Variants in GPR176 observed in about 807,000 individuals in gnomAD.
The protein encoded by GPR176 is G-protein coupled receptor 176.
Under a neutral mutation model 35.4 loss-of-function variants are expected in GPR176, and 26 were observed. The ratio of observed to expected loss-of-function variants is 0.74; its 90% CI spans 0.54 to 1.02. The LOEUF (loss-of-function observed/expected upper bound fraction) is 1.02, where lower values mean the gene tolerates loss of function less well. Among genes scored for constraint, GPR176 ranks in the 50% least tolerant of loss-of-function variants. The pLI, the probability that GPR176 is intolerant of heterozygous loss-of-function variation, is 0.00. For synonymous variants in GPR176, 278 were observed against 271.3 expected (o/e 1.02, Z -0.24); for missense variants, 597 against 665.3 (o/e 0.90, Z 1.13).
intron 1 of GPR176, chr15:39,815,553 C>CA: frequency 6.6e-6 from 1 of 152,204 alleles, no homozygotes. Context: ...GGGCAGGAAC[C>CA]ACTGTGAGGC....
At chr15:39,915,863 G>C (rs575173255) in intron 1 of GPR176, among the ~76,000 whole-genome samples, 1 of 152,336 alleles carries the variant, frequency 6.6e-6, no homozygotes, top group East Asian at 1.9e-4. Context: ...CTGAGCGACA[G>C]AGTGAGACGC....
chr15:39,854,643 C>A (rs1444660714), intron 1 of GPR176, among the ~76,000 whole-genome samples: 1 of 152,152 alleles, frequency 6.6e-6, no homozygotes. Context: ...TCTCTGAAAT[C>A]TTGGTAGGGA....
chr15:39,898,932 G>C (rs1327105943), intron 1 of GPR176, among the ~76,000 whole-genome samples: 4 of 152,118 alleles, frequency 2.6e-5, no homozygotes, highest in African/African-American at 9.7e-5. Flanking sequence ...GGACGATAAG[G>C]ACACTGGTGA....
intron 1 of GPR176, among the ~76,000 whole-genome samples, chr15:39,856,552 A>C (rs1409832959): frequency 6.6e-6 from 1 of 152,238 alleles, no homozygotes; most frequent in Non-Finnish European, 1.5e-5. Flanking sequence ...CTGTTCACCC[A>C]CATGGCTGTT....
rs1345315814 is a variant in GPR176 at position 39,801,251 on chromosome 15, G to A, written c.1429C>T (p.Pro477Ser). The change falls in exon 3 of 3, where the codon CCC becomes TCC. Residue 477 changes from proline to serine, a missense_variant. By Grantham distance (74) the Pro-to-Ser change is moderately conservative. Coordinates refer to ENST00000561100, the MANE Select transcript of GPR176 (RefSeq NM_007223.3). Reference protein sequence around the residue: ...ETRNSKKRLLPPLGNTPEELI... With the variant: ...ETRNSKKRLLSPLGNTPEELI... The stretch of plus-strand genomic sequence containing the variant: ...TCTTCTGGGGTGTTGCCCAAGGGGG[G>A]AAGCAGCCGCTTCTTGCTGTTTCGG... The A allele has an allele frequency of 1.9e-6, 3 of 1,614,052 alleles. No individual in the cohort carries two copies. The highest frequency in any genetic ancestry group is 1.3e-5 in the African/African-American group (1 of 74,928).
rs1360120437 is a variant in GPR176 at position 39,869,593 on chromosome 15, CTCATCT to C, written c.172+50256_172+50261del. Among the ~76,000 whole-genome samples, 5 of 152,258 alleles carry C rather than the reference CTCATCT, an allele frequency of 3.3e-5. No individual in the cohort carries two copies. In the East Asian group the frequency reaches 9.6e-4, roughly 29 times the overall value. ...CCTTATTTTTTTCTTCTCTCTTCTC[CTCATCT>C]TCATTTCCTCACATTTTGTTCCCTT... On this transcript the variant is annotated intron_variant, in intron 1 of 2. Coordinates refer to ENST00000561100, the MANE Select transcript of GPR176 (RefSeq NM_007223.3).
At chr15:39,823,994 G>A (rs1432428636) in intron 1 of GPR176, among the ~76,000 whole-genome samples, 1 of 152,148 alleles carries the variant, frequency 6.6e-6, no homozygotes, top group Non-Finnish European at 1.5e-5. Flanking sequence ...TTAGAAGTGG[G>A]GCCTAGTAGG....
chr15:39,856,066 G>A (rs1454781088), intron 1 of GPR176, among the ~76,000 whole-genome samples: 1 of 152,170 alleles, frequency 6.6e-6, no homozygotes, highest in Non-Finnish European at 1.5e-5. Context: ...TTCAAACCCA[G>A]GCAATTGATT....
At chr15:39,898,718 G>A (rs570100175) in intron 1 of GPR176, among the ~76,000 whole-genome samples, 2 of 152,228 alleles carry the variant, frequency 1.3e-5, no homozygotes, top group African/African-American at 4.8e-5. Flanking sequence ...GCCAGGGCAG[G>A]GTTTCAAAGA....
chr15:39,889,697 G>T lies in GPR176; in HGVS notation c.172+30158C>A, dbSNP rs144667893. The stretch of plus-strand genomic sequence containing the variant: ...GCTAGGGTCCCAAGGAGGTGAAATT[G>T]CAAGTTTGTGAATACCTTCACTGGG... On this transcript the variant is annotated intron_variant, in intron 1 of 2. Transcript: ENST00000561100. Among the ~76,000 whole-genome samples, 384 of 152,324 alleles carry T rather than the reference G, an allele frequency of 2.5e-3. 3 individuals carry two copies. The highest frequency in any genetic ancestry group is 8.9e-3 in the African/African-American group (369 of 41,562).
In GPR176 at chr15:39,800,328, T is replaced by C. The variant is rs1186607686; in HGVS notation, c.*804A>G. 6.6e-6 allele frequency: 1 copy of C among 152,138 alleles called. No homozygotes were observed. Among genetic ancestry groups the C allele is most frequent in the East Asian group, 1.9e-4 (1 of 5,196 alleles). 9.4% of individuals were successfully genotyped at this position (152,138 alleles called of 1,614,324 possible). On this transcript the variant is annotated 3_prime_UTR_variant, in exon 3 of 3. Transcript: ENST00000561100. ...CTCAGGCATCTCCCCCGTAAGCTTC[T>C]CTCTCATTTGTTGAGAAAACACAAT...
intron 1 of GPR176, among the ~76,000 whole-genome samples, chr15:39,868,884 T>A (rs950660083): frequency 1.3e-5 from 2 of 151,994 alleles, no homozygotes; most frequent in Non-Finnish European, 2.9e-5. Context: ...ACCTGTCCGA[T>A]GAGGTAACAG....
chr15:39,820,523 G>C (rs1900202203), intron 1 of GPR176, among the ~76,000 whole-genome samples: 1 of 152,174 alleles, frequency 6.6e-6, no homozygotes, highest in Non-Finnish European at 1.5e-5. Context: ...GAAGGAACTT[G>C]ATAACTAAGA....
intron 2 of GPR176, among the ~76,000 whole-genome samples, chr15:39,804,508 CT>C (rs1203128296): frequency 6.6e-6 from 1 of 151,954 alleles, no homozygotes; most frequent in East Asian, 1.9e-4. Flanking sequence ...TTTCGTATTT[CT>C]TTGTTTAAGA....
intron 1 of GPR176, among the ~76,000 whole-genome samples, chr15:39,876,518 T>A (rs867024476): frequency 5.9e-5 from 9 of 152,216 alleles, no homozygotes; most frequent in Admixed American, 6.5e-5. Context: ...GTGAGGGATA[T>A]AATGTTAATG....
intron 2 of GPR176, among the ~76,000 whole-genome samples, chr15:39,805,606 GT>G (rs1899141378): frequency 6.6e-6 from 1 of 152,144 alleles, no homozygotes; most frequent in Non-Finnish European, 1.5e-5. Context: ...TTGCAACCTG[GT>G]TATTGCTTGA....
At chr15:39,826,645 T>G (rs1243549778) in intron 1 of GPR176, among the ~76,000 whole-genome samples, 2 of 152,236 alleles carry the variant, frequency 1.3e-5, no homozygotes, top group Admixed American at 1.3e-4. Context: ...AAATGCCATT[T>G]GCTTGAAACC....
chr15:39,835,487 A>C (rs1373162119), intron 1 of GPR176, among the ~76,000 whole-genome samples: 1 of 151,820 alleles, frequency 6.6e-6, no homozygotes, highest in African/African-American at 2.4e-5. Flanking sequence ...AATCCAAGAG[A>C]TAGTCCAGGA....
intron 1 of GPR176, among the ~76,000 whole-genome samples, chr15:39,842,580 T>C (rs756478995): frequency 1.3e-5 from 2 of 152,038 alleles, no homozygotes; most frequent in East Asian, 1.9e-4. Context: ...AGTACTCTTA[T>C]AAAAAGAAGC....
Sources: gnomAD v4.1 joint callset for allele counts (sites outside exome capture counted in the v4.1 genomes callset) on GRCh38, gnomAD v4.1.1 for gene constraint, MANE v1.5 for transcripts, NCBI Gene and HGNC (gene_info 2026-07-23, HGNC 2026-07-21) for gene names.